The following NDUFAF6 variants were observed in gnomAD, a reference collection of about 807,000 sequenced individuals.
The protein encoded by NDUFAF6 is NADH:ubiquinone oxidoreductase complex assembly factor 6, also known as NADH dehydrogenase (ubiquinone) complex I, assembly factor 6.
Under a neutral mutation model 40.8 loss-of-function variants are expected in NDUFAF6, and 45 were observed. The ratio of observed to expected loss-of-function variants is 1.10; its 90% confidence interval spans 0.87 to 1.42. The LOEUF (loss-of-function observed/expected upper bound fraction) is 1.42, where lower values mean the gene tolerates loss of function less well. NDUFAF6 is among the 40% of genes most tolerant of loss of function. NDUFAF6 has a pLI of 0.00. For missense variants in NDUFAF6, 435 were observed against 418.5 expected (o/e 1.04, Z -0.34); for synonymous variants, 185 against 155.9 (o/e 1.19, Z -1.39).
intron 1 of NDUFAF6, among the ~76,000 whole-genome samples, chr8:94,909,375 A>AAAAAACAAAAAC (rs1563700247): frequency 5.4e-5 from 3 of 55,874 alleles, no homozygotes; most frequent in Admixed American, 1.9e-4. Context: ...AAAAAAAAAA[A>AAAAAACAAAAAC]AAAAAAACAC....
intron 2 of NDUFAF6, among the ~76,000 whole-genome samples, chr8:94,981,375 T>C (rs1399648315): frequency 6.6e-6 from 1 of 152,222 alleles, no homozygotes; most frequent in Non-Finnish European, 1.5e-5. Context: ...ATAAACCTCT[T>C]TCCTTTATAA....
At chr8:95,098,251 T>C (rs1809531526), upstream of NDUFAF6, among the ~76,000 whole-genome samples, 1 of 152,238 alleles carries the variant, frequency 6.6e-6, no homozygotes, top group South Asian at 2.1e-4. Flanking sequence ...AACTAGCTTC[T>C]GGCCGGGCTG....
intron 1 of NDUFAF6, chr8:94,939,752 C>CT: frequency 6.8e-7 from 1 of 1,464,652 alleles, no homozygotes; most frequent in Non-Finnish European, 9.2e-7. Context: ...TCATAAATCT[C>CT]TAACAAAATT....
intron 2 of NDUFAF6, among the ~76,000 whole-genome samples, chr8:95,092,578 CTTTTTTT>C (rs528845192): frequency 3.9e-5 from 3 of 77,798 alleles, no homozygotes; most frequent in South Asian, 5.7e-4. Context: ...CTCACGAAGC[CTTTTTTT>C]TTTTTTTTTT....
upstream of NDUFAF6, among the ~76,000 whole-genome samples, chr8:95,097,943 G>A (rs1055819305): frequency 2.0e-5 from 3 of 152,200 alleles, no homozygotes; most frequent in African/African-American, 7.2e-5. Flanking sequence ...AACAGTTTGA[G>A]GGAGACTTGT....
intron 2 of NDUFAF6, among the ~76,000 whole-genome samples, 161 bp from the exon 3 acceptor site, chr8:95,035,289 TTCTC>T (rs1378532884): frequency 1.3e-5 from 2 of 152,222 alleles, no homozygotes; most frequent in East Asian, 3.8e-4. Flanking sequence ...TGCAGTAAAA[TTCTC>T]TCTTTGTTGT....
chr8:95,056,743 A>G (rs147699755), intron 8 of NDUFAF6, among the ~76,000 whole-genome samples: 738 of 152,034 alleles, frequency 4.9e-3, no homozygotes, highest in Admixed American at 9.2e-3. Context: ...TGTCTCTACT[A>G]AAAACACAAA....
intron 1 of NDUFAF6, among the ~76,000 whole-genome samples, chr8:94,902,959 C>T (rs1009756321): frequency 6.6e-6 from 1 of 152,124 alleles, no homozygotes; most frequent in Non-Finnish European, 1.5e-5. Context: ...CTGCCTCGGC[C>T]TCAAAGTGCT....
upstream of NDUFAF6, among the ~76,000 whole-genome samples, chr8:95,097,095 A>T (rs1366471321): frequency 6.6e-6 from 1 of 152,208 alleles, no homozygotes. Context: ...ACTCATTTGT[A>T]CGTTTTCATC....
At chr8:94,972,359 A>G (rs1280492304) in intron 1 of NDUFAF6, among the ~76,000 whole-genome samples, 1 of 152,012 alleles carries the variant, frequency 6.6e-6, no homozygotes, top group African/African-American at 2.4e-5. Flanking sequence ...CTCCTGCTTC[A>G]GCCTGCCAAG....
chr8:95,066,159 T>G (rs999779243), intron 9 of NDUFAF6, among the ~76,000 whole-genome samples: 2 of 152,166 alleles, frequency 1.3e-5, no homozygotes, highest in Admixed American at 1.3e-4. Flanking sequence ...TTACCCAGGC[T>G]GTAGTGCAGT....
At chr8:94,943,131 G>A (rs1452018512) in intron 1 of NDUFAF6, among the ~76,000 whole-genome samples, 1 of 152,204 alleles carries the variant, frequency 6.6e-6, no homozygotes, top group Non-Finnish European at 1.5e-5. Context: ...GAGCTCAGGA[G>A]TGTGGTCTCA....
chr8:95,075,652 C>A (rs903749386), exon 10 of NDUFAF6: 8 of 1,288,300 alleles, frequency 6.2e-6, no homozygotes, highest in African/African-American at 3.0e-5. Flanking sequence ...GATGCAGACA[C>A]TCAGGGCGTG....
At chr8:94,932,032 A>T in intron 1 of NDUFAF6, 2 of 1,593,918 alleles carry the variant, frequency 1.3e-6, no homozygotes, top group Non-Finnish European at 1.7e-6. Flanking sequence ...CTCCCTATGC[A>T]TACATATATC....
intron 5 of NDUFAF6, chr8:95,115,740 A>T (rs1303914111): frequency 6.6e-6 from 1 of 152,190 alleles, no homozygotes; most frequent in Admixed American, 6.5e-5. Context: ...GCTTCAAGGT[A>T]TCTTTTCAGT....
At chr8:94,995,974 C>A (rs1452628209) in intron 2 of NDUFAF6, among the ~76,000 whole-genome samples, 2 of 152,164 alleles carry the variant, frequency 1.3e-5, no homozygotes, top group African/African-American at 2.4e-5. Flanking sequence ...GACAGGATTT[C>A]ATCATATTGG....
intron 1 of NDUFAF6, chr8:94,931,953 CAG>C (rs1394495643): frequency 6.2e-6 from 6 of 963,380 alleles, no homozygotes; most frequent in Non-Finnish European, 9.2e-6. Context: ...GCCTGAGTGA[CAG>C]AGTGAGACTC....
intron 9 of NDUFAF6, among the ~76,000 whole-genome samples, chr8:95,074,814 A>G (rs1832981939): frequency 6.6e-6 from 1 of 152,070 alleles, no homozygotes; most frequent in African/African-American, 2.4e-5. Flanking sequence ...TCCTGTCCTT[A>G]GATTCCTCCT....
intron 1 of NDUFAF6, among the ~76,000 whole-genome samples, chr8:94,969,848 CT>C (rs1824309784): frequency 6.6e-6 from 1 of 151,890 alleles, no homozygotes; most frequent in Non-Finnish European, 1.5e-5. Context: ...ATGCTAAGAC[CT>C]TACCAAGAAA....
Sources: allele counts gnomAD v4.1 joint callset (sites outside exome capture counted in the v4.1 genomes callset), GRCh38; gene constraint gnomAD v4.1.1; transcripts MANE v1.5; gene names NCBI Gene and HGNC (gene_info 2026-07-23, HGNC 2026-07-21).